ANKRD31: variants seen among roughly 807,000 people sequenced by gnomAD.
ANKRD31 encodes the protein ankyrin repeat domain 31, also known as ankyrin repeat domain-containing protein 31.
Under a neutral mutation model 186.0 loss-of-function variants are expected in ANKRD31, and 147 were observed. The ratio of observed to expected loss-of-function variants is 0.79; its 90% CI spans 0.69 to 0.91. The LOEUF (loss-of-function observed/expected upper bound fraction) is 0.91. Among genes scored for constraint, ANKRD31 ranks in the 40% least tolerant of loss-of-function variants. ANKRD31 has a pLI of 0.00. For missense variants in ANKRD31, 1,986 were observed against 2,148.8 expected, an observed-to-expected ratio of 0.92 and a Z score of 1.50; for synonymous variants, 673 against 736.4, an observed-to-expected ratio of 0.91 and a Z score of 1.39.
chr5:75,213,419 G>GC (rs1342926232), intron 3 of ANKRD31, among the ~76,000 whole-genome samples: 3 of 152,092 alleles, frequency 2.0e-5, no homozygotes, highest in Non-Finnish European at 2.9e-5. Context: ...AAAGGTAAAT[G>GC]CAAAAGGTAA....
At chr5:75,201,547 C>A (rs188537627) in intron 5 of ANKRD31, among the ~76,000 whole-genome samples, 157 of 152,224 alleles carry the variant, frequency 1.0e-3, no homozygotes, top group African/African-American at 3.7e-3. Flanking sequence ...ACTTTTCTTC[C>A]TTCTCCGAAT....
At chr5:75,182,281 TC>T (rs1754373942) in intron 10 of ANKRD31, among the ~76,000 whole-genome samples, 1 of 152,176 alleles carries the variant, frequency 6.6e-6, no homozygotes, top group Non-Finnish European at 1.5e-5. Context: ...CTATCACAGG[TC>T]CCAGTTAGAT....
intron 1 of ANKRD31, among the ~76,000 whole-genome samples, chr5:75,231,744 G>T (rs1757963415): frequency 6.6e-6 from 1 of 152,140 alleles, no homozygotes; most frequent in Admixed American, 6.5e-5. Flanking sequence ...TATGAAAAAT[G>T]AAAAATTAAG....
At position 75,222,315 on chromosome 5, in the gene ANKRD31, C is replaced by T; in HGVS notation, c.222G>A (p.Glu74=). ...PEIQLGFKLR[E]DLQEQMNKNK... ...TTTTATTCATTTGCTCTTGCAGATC[C>T]TCTCTGAGCTTAAATCCAAGTTGAA... The change falls in exon 3 of 26, where the codon GAG becomes GAA. Residue 74 remains glutamate (E), a synonymous_variant. Transcript: ENST00000506364. 2 of 1,536,842 alleles carry T rather than the reference C, an allele frequency of 1.3e-6. No individual in the cohort carries two copies. The highest frequency in any genetic ancestry group is 2.4e-5 in the East Asian group (1 of 40,866).
chr5:75,159,422 T>C (rs1429945628), intron 11 of ANKRD31, among the ~76,000 whole-genome samples: 1 of 152,054 alleles, frequency 6.6e-6, no homozygotes, highest in Non-Finnish European at 1.5e-5. Flanking sequence ...AAAAGGGATA[T>C]ATATCTAGAC....
At chr5:75,227,865 T>C (rs768209464) in intron 2 of ANKRD31, among the ~76,000 whole-genome samples, 5 of 152,156 alleles carry the variant, frequency 3.3e-5, no homozygotes, top group Non-Finnish European at 5.9e-5. Context: ...CAGCATCAGA[T>C]TCTCATAGGA....
chr5:75,144,901 C>A (rs1751323875), intron 14 of ANKRD31, among the ~76,000 whole-genome samples: 1 of 151,950 alleles, frequency 6.6e-6, no homozygotes, highest in Admixed American at 6.6e-5. Context: ...AAGAAAAAAA[C>A]AAATAACCCC....
intron 3 of ANKRD31, among the ~76,000 whole-genome samples, chr5:75,218,128 C>A (rs1042543412): frequency 2.0e-5 from 3 of 151,956 alleles, no homozygotes; most frequent in African/African-American, 7.2e-5. Context: ...AACATGAAAA[C>A]CTTACAAAAG....
chr5:75,071,009 T>C (rs555467332), intron 25 of ANKRD31, among the ~76,000 whole-genome samples: 22 of 152,226 alleles, frequency 1.4e-4, no homozygotes, highest in Non-Finnish European at 2.1e-4. Flanking sequence ...TTAATATCTG[T>C]ATGTATCAAA....
chr5:75,178,321 T>C (rs955816993), intron 10 of ANKRD31, among the ~76,000 whole-genome samples: 5 of 152,184 alleles, frequency 3.3e-5, no homozygotes, highest in Non-Finnish European at 7.3e-5. Context: ...ATTAGACAGA[T>C]CAATGAGACA....
intron 10 of ANKRD31, among the ~76,000 whole-genome samples, chr5:75,182,313 A>T (rs570990837): frequency 5.3e-5 from 8 of 152,332 alleles, no homozygotes; most frequent in Non-Finnish European, 1.2e-4. Flanking sequence ...ATTAAGTATC[A>T]GAAACTCAAA....
chr5:75,101,636 T>C (rs1378672552), intron 22 of ANKRD31, among the ~76,000 whole-genome samples: 4 of 152,186 alleles, frequency 2.6e-5, no homozygotes, highest in Non-Finnish European at 2.9e-5. Flanking sequence ...CTTTTTACTC[T>C]TTTTTCTCTA....
At chr5:75,196,458 T>G (rs1755473560) in intron 6 of ANKRD31, among the ~76,000 whole-genome samples, 1 of 152,136 alleles carries the variant, frequency 6.6e-6, no homozygotes. Flanking sequence ...GGATGGCAAA[T>G]TATTCACCTA....
At chr5:75,137,356 A>G (rs1014122812) in intron 17 of ANKRD31, among the ~76,000 whole-genome samples, 2 of 152,160 alleles carry the variant, frequency 1.3e-5, no homozygotes, top group African/African-American at 4.8e-5. Flanking sequence ...TGTCATTGAA[A>G]TAATGATCCT....
intron 2 of ANKRD31, among the ~76,000 whole-genome samples, chr5:75,227,340 T>G (rs1757692091): frequency 6.6e-6 from 1 of 152,078 alleles, no homozygotes. Context: ...ATAGAAAGAA[T>G]GAATAAGACC....
intron 11 of ANKRD31, among the ~76,000 whole-genome samples, chr5:75,165,729 C>T (rs946330388): frequency 6.6e-6 from 1 of 151,940 alleles, no homozygotes; most frequent in Non-Finnish European, 1.5e-5. Flanking sequence ...GAGCCAAAAC[C>T]AGAATTTGGG....
chr5:75,169,798 G>A (rs949938476), intron 10 of ANKRD31, among the ~76,000 whole-genome samples: 1 of 152,138 alleles, frequency 6.6e-6, no homozygotes, highest in African/African-American at 2.4e-5. Context: ...TAGGGATTAC[G>A]AATCTCAGCT....
intron 22 of ANKRD31, among the ~76,000 whole-genome samples, chr5:75,102,596 G>A (rs760934067): frequency 6.6e-5 from 10 of 152,164 alleles, no homozygotes; most frequent in Non-Finnish European, 1.0e-4. Context: ...CGAGCTTCCC[G>A]TCCACTTTGT....
intron 3 of ANKRD31, among the ~76,000 whole-genome samples, chr5:75,214,557 A>G (rs1756850348): frequency 1.3e-5 from 2 of 152,158 alleles, no homozygotes; most frequent in African/African-American, 4.8e-5. Flanking sequence ...GCAGTGCATA[A>G]TCTCTCCATG....
Sources: gnomAD v4.1 joint callset for allele counts (sites outside exome capture counted in the v4.1 genomes callset) on GRCh38, gnomAD v4.1.1 for gene constraint, MANE v1.5 for transcripts, NCBI Gene and HGNC (gene_info 2026-07-23, HGNC 2026-07-21) for gene names.